Variants in AKAP6 observed in about 807,000 individuals in gnomAD.
AKAP6 encodes A-kinase anchor protein 6.
A neutral mutation model predicts 188.5 loss-of-function variants in AKAP6; 58 were observed. That is an observed-to-expected ratio of 0.31 (90% CI 0.25 to 0.38). The LOEUF (loss-of-function observed/expected upper bound fraction) is 0.38. AKAP6 is among the 10% of genes least tolerant of loss of function. The pLI, the probability that AKAP6 is intolerant of heterozygous loss-of-function variation, is 1.00. For synonymous variants in AKAP6, 989 were observed against 998.6 expected, an observed-to-expected ratio of 0.99 and a Z score of 0.18; for missense variants, 2,710 against 2,740.0, an observed-to-expected ratio of 0.99 and a Z score of 0.24.
chr14:32,704,130 GT>G (rs1007420244), intron 9 of AKAP6, among the ~76,000 whole-genome samples: 2 of 152,084 alleles, frequency 1.3e-5, no homozygotes, highest in Non-Finnish European at 2.9e-5. Context: ...TGGTTTCAGG[GT>G]AATAAGTAAT....
chr14:32,573,103 G>A (rs1884564448), intron 4 of AKAP6, among the ~76,000 whole-genome samples: 1 of 152,076 alleles, frequency 6.6e-6, no homozygotes, highest in Admixed American at 6.6e-5. Flanking sequence ...TTGTCAGGGA[G>A]GCAAAGAAAA....
chr14:32,400,955 G>T (rs527353909), intron 1 of AKAP6, among the ~76,000 whole-genome samples: 1 of 152,230 alleles, frequency 6.6e-6, no homozygotes, highest in East Asian at 1.9e-4. Context: ...ATGGGCATAC[G>T]ATCTAAATCT....
Position 32,462,936 on chromosome 14 carries a change from G to A in AKAP6, c.324+29119G>A, listed in dbSNP as rs188753393. Among the ~76,000 whole-genome samples the A allele has an allele frequency of 3.6e-4, 48 of 132,728 alleles. 1 individual carries two copies. In the East Asian group the frequency reaches 9.3e-3, roughly 26 times the overall value. 87.1% of individuals were successfully genotyped at this position (132,728 alleles called of 152,430 possible). On this transcript the variant is annotated intron_variant, in intron 2 of 13. Transcript: ENST00000280979. ...AAAAAAAAAAAAAAAACCCGGGGTT[G>A]CAATCCTAATCTCTGATAAAACAGT...
At position 32,714,302 on chromosome 14, in the gene AKAP6, C is replaced by T. The variant is rs193210663; in HGVS notation, c.3001-18152C>T. On this transcript the variant is annotated intron_variant, in intron 9 of 13. Transcript: ENST00000280979. ...TATTGACCAAATTACTAAAATGTAA[C>T]GCAGAGATACAAAATGAGCACATGC... is the stretch of plus-strand genomic sequence containing the variant. Among the ~76,000 whole-genome samples, 62 of 152,000 alleles carry T rather than the reference C, an allele frequency of 4.1e-4. 1 individual carries two copies. The East Asian group carries it at 8.3e-3, about 20-fold the overall frequency.
chr14:32,613,139 C>A (rs1207514100), intron 7 of AKAP6, among the ~76,000 whole-genome samples: 1 of 152,136 alleles, frequency 6.6e-6, no homozygotes, highest in Non-Finnish European at 1.5e-5. Flanking sequence ...TGTAAAATGA[C>A]CTGGGTCGCT....
intron 11 of AKAP6, among the ~76,000 whole-genome samples, chr14:32,748,769 A>G (rs1328378926): frequency 6.6e-6 from 1 of 152,176 alleles, no homozygotes; most frequent in Admixed American, 6.5e-5. Flanking sequence ...ACCAAGTCCC[A>G]GATTATTAAG....
At chr14:32,630,778 TA>T (rs1240154265) in intron 7 of AKAP6, among the ~76,000 whole-genome samples, 1 of 152,104 alleles carries the variant, frequency 6.6e-6, no homozygotes, top group African/African-American at 2.4e-5. Flanking sequence ...TATTTTTCTT[TA>T]TGATATTAAT....
chr14:32,835,392 T>G lies in AKAP6; in HGVS notation c.*5587T>G, dbSNP rs757011446. 3.9e-5 allele frequency: 6 copies of G among 152,230 alleles called. No homozygotes were observed. The South Asian group carries it at 1.2e-3, about 32-fold the overall frequency. 9.4% of individuals were successfully genotyped at this position (152,230 alleles called of 1,614,324 possible). A position where few individuals can be genotyped will look rare whatever the true frequency, so the allele number is the denominator to read the frequency against. The stretch of plus-strand genomic sequence containing the variant: ...GTTTGTTTAAGGATTTAAATTTAGT[T>G]CACTATTACTGCCTGGCTTTGATTG... On this transcript the variant is annotated 3_prime_UTR_variant, in exon 14 of 14. Transcript: ENST00000280979.
chr14:32,550,588 G>A (rs1161503695), intron 4 of AKAP6, among the ~76,000 whole-genome samples: 3 of 152,212 alleles, frequency 2.0e-5, no homozygotes, highest in African/African-American at 7.2e-5. Flanking sequence ...TACACCAGAT[G>A]AGGGCAGCTG....
intron 7 of AKAP6, among the ~76,000 whole-genome samples, chr14:32,632,324 T>C (rs72642564): frequency 0.12 from 18,021 of 152,028 alleles, 1,846 homozygotes; most frequent in East Asian, 0.53. Context: ...TCATTTAGCC[T>C]TTGTCTAATC....
chr14:32,745,477 C>G (rs28790411), intron 11 of AKAP6, among the ~76,000 whole-genome samples: 1 of 139,502 alleles, frequency 7.2e-6, no homozygotes, highest in Non-Finnish European at 1.5e-5. Flanking sequence ...CTCTCTCTCT[C>G]TCTCTCTCTC....
At chr14:32,442,834 C>T (rs1193065642) in intron 2 of AKAP6, among the ~76,000 whole-genome samples, 1 of 151,938 alleles carries the variant, frequency 6.6e-6, no homozygotes, top group Non-Finnish European at 1.5e-5. Flanking sequence ...TCATAGCTAC[C>T]TTGAATAAGG....
intron 11 of AKAP6, among the ~76,000 whole-genome samples, chr14:32,752,837 A>G (rs2032189552): frequency 6.6e-6 from 1 of 152,168 alleles, no homozygotes. Context: ...AGGTTCATCC[A>G]TGTTGTCACA....
At chr14:32,825,249 A>G (rs564436863) in intron 13 of AKAP6, among the ~76,000 whole-genome samples, 3 of 152,280 alleles carry the variant, frequency 2.0e-5, no homozygotes, top group African/African-American at 4.8e-5. Context: ...TGATTAGGCT[A>G]AAGGCCACAT....
In AKAP6 at chr14:32,543,622, TAAC is replaced by T. The variant is rs566942205; in HGVS notation, c.577-1600_577-1598del. Among the ~76,000 whole-genome samples, 231 of 152,288 alleles carry T rather than the reference TAAC, an allele frequency of 1.5e-3. 1 individual carries two copies. The highest frequency in any genetic ancestry group is 5.2e-3 in the African/African-American group (217 of 41,564). On this transcript the variant is annotated intron_variant, in intron 3 of 13. Transcript: ENST00000280979. Reference sequence around the variant, plus strand: ...TGAGGAAAAGTTTGGATTTTTAACTTAACAACAACAGGATGCTTCTAAAGGACT... The same window carrying T: ...TGAGGAAAAGTTTGGATTTTTAACTTAACAACAGGATGCTTCTAAAGGACT...
intron 5 of AKAP6, among the ~76,000 whole-genome samples, chr14:32,581,603 CT>C (rs1418566214): frequency 6.6e-6 from 1 of 152,096 alleles, no homozygotes; most frequent in Non-Finnish European, 1.5e-5. Context: ...TTGTTAAAGT[CT>C]CCCATTATTA....
intron 1 of AKAP6, among the ~76,000 whole-genome samples, chr14:32,424,830 A>T (rs941690050): frequency 6.6e-6 from 1 of 152,132 alleles, no homozygotes; most frequent in Non-Finnish European, 1.5e-5. Flanking sequence ...AAAGGACATG[A>T]TCTTATTCTT....
intron 2 of AKAP6, among the ~76,000 whole-genome samples, chr14:32,454,712 C>T (rs1168353906): frequency 1.8e-4 from 10 of 56,866 alleles, no homozygotes; most frequent in Non-Finnish European, 3.1e-4. Context: ...TCCCTCCTTC[C>T]CTCCTTCTCT....
At position 32,390,673 on chromosome 14, in the gene AKAP6, T is replaced by C. The variant is rs146100184; in HGVS notation, c.-34-42787T>C. On this transcript the variant is annotated intron_variant, in intron 1 of 13. Transcript: ENST00000280979. Reference sequence around the variant, plus strand: ...CCAGGTTCTGGGCTGGTACTGGGGGTTGTCTGCACAGAGTCCTGTGATGTG... The same window carrying C: ...CCAGGTTCTGGGCTGGTACTGGGGGCTGTCTGCACAGAGTCCTGTGATGTG... Among the ~76,000 whole-genome samples the C allele has an allele frequency of 4.5e-4, 69 of 152,028 alleles. 1 individual carries two copies. The East Asian group carries it at 0.013, about 28-fold the overall frequency.
Sources: allele counts gnomAD v4.1 joint callset (sites outside exome capture counted in the v4.1 genomes callset), GRCh38; gene constraint gnomAD v4.1.1; transcripts MANE v1.5; gene names NCBI Gene and HGNC (gene_info 2026-07-23, HGNC 2026-07-21).